The following INPP4B variants were observed in gnomAD, a reference collection of about 807,000 sequenced individuals.
INPP4B encodes the protein inositol polyphosphate-4-phosphatase type II B, also known as inositol polyphosphate 4-phosphatase type II.
INPP4B carries 55 observed loss-of-function variants against 122.5 expected under a neutral mutation model. The ratio of observed to expected loss-of-function variants is 0.45; its 90% confidence interval spans 0.36 to 0.56. The LOEUF is 0.56. Ranked by LOEUF, INPP4B falls within the 20% of genes least tolerant of loss-of-function variation. The probability of loss-of-function intolerance (pLI) is 0.00; values close to 1 mark genes in which losing one functional copy is unlikely to be tolerated. For synonymous variants in INPP4B, 403 were observed against 388.7 expected, an observed-to-expected ratio of 1.04 and a Z score of -0.43; for missense variants, 1,000 against 1,097.7, an observed-to-expected ratio of 0.91 and a Z score of 1.26.
At chr4:142,836,824 T>A (rs1308809764) in intron 1 of INPP4B, among the ~76,000 whole-genome samples, 1 of 151,748 alleles carries the variant, frequency 6.6e-6, no homozygotes, top group East Asian at 1.9e-4. Context: ...ATAACATAAA[T>A]GACAACGGGT....
At chr4:142,609,293 T>C (rs1315599442) in intron 2 of INPP4B, among the ~76,000 whole-genome samples, 1 of 152,054 alleles carries the variant, frequency 6.6e-6, no homozygotes, top group Non-Finnish European at 1.5e-5. Context: ...CAGAGCATGC[T>C]GAGGTTGCCT....
At chr4:142,439,108 C>T (rs1811162367) in intron 3 of INPP4B, among the ~76,000 whole-genome samples, 1 of 152,130 alleles carries the variant, frequency 6.6e-6, no homozygotes, top group Admixed American at 6.5e-5. Context: ...ACTCCAAGGT[C>T]CTCAGGGAAG....
chr4:142,068,414 C>CAG (rs1764913775), intron 25 of INPP4B, among the ~76,000 whole-genome samples: 1 of 152,202 alleles, frequency 6.6e-6, no homozygotes, highest in African/African-American at 2.4e-5. Context: ...TAGGAAGAAA[C>CAG]TGCATCAACT....
At chr4:142,588,880 T>C (rs1736823231) in intron 2 of INPP4B, among the ~76,000 whole-genome samples, 1 of 151,894 alleles carries the variant, frequency 6.6e-6, no homozygotes, top group Admixed American at 6.6e-5. Flanking sequence ...AGAAATAGAA[T>C]AGTCAACGCA....
At position 142,092,481 on chromosome 4, in the gene INPP4B, G is replaced by A. The variant is rs931936460; in HGVS notation, c.2375-6225C>T. 5.9e-5 allele frequency among the ~76,000 whole-genome samples: 9 copies of A among 152,088 alleles called. 1 individual carries two copies. In the South Asian group the frequency reaches 6.2e-4, roughly 11 times the overall value. ...AATTTTTGTATTTTTATAGAAATGC[G>A]GGTTTCGCCATGTTGGCTGGGCTGG... On this transcript the variant is annotated intron_variant, in intron 23 of 25. Coordinates refer to ENST00000262992, the MANE Select transcript of INPP4B (RefSeq NM_001101669.3).
rs185709890 is a variant in INPP4B at position 142,251,773 on chromosome 4, C to T, written c.688+8719G>A. On this transcript the variant is annotated intron_variant, in intron 11 of 25. Coordinates refer to ENST00000262992, the MANE Select transcript of INPP4B (RefSeq NM_001101669.3). Reference sequence around the variant, plus strand: ...AGCCAAAGGGATGCCTCTCCTTCCCCATTCCCTATTGTTGGCTGCCTCTTG... The same window carrying T: ...AGCCAAAGGGATGCCTCTCCTTCCCTATTCCCTATTGTTGGCTGCCTCTTG... Among the ~76,000 whole-genome samples the T allele has an allele frequency of 1.1e-4, 16 of 152,274 alleles. No individual in the cohort carries two copies. In the East Asian group the frequency reaches 2.9e-3, roughly 28 times the overall value.
In INPP4B at chr4:142,028,816, GGTC is replaced by G; in HGVS notation, c.2738_2740del (p.Arg913_Pro914delinsThr). Reference sequence around the variant, plus strand: ...AGCTTTTCCATAAGTCCCCTCTGGAGGTCTGTAGTACTTGGGGAAAGCCATCAG... The same window carrying G: ...AGCTTTTCCATAAGTCCCCTCTGGAGTGTAGTACTTGGGGAAAGCCATCAG... On this transcript the variant is annotated inframe_deletion, in exon 26 of 26. Transcript: ENST00000262992. 1 of 1,613,190 alleles carries G rather than the reference GGTC, an allele frequency of 6.2e-7. No homozygotes were observed. Among genetic ancestry groups the G allele is most frequent in the South Asian group, 1.1e-5 (1 of 90,932 alleles).
intron 2 of INPP4B, among the ~76,000 whole-genome samples, chr4:142,680,163 T>G (rs766631892): frequency 2.4e-4 from 37 of 151,842 alleles, no homozygotes; most frequent in Non-Finnish European, 4.4e-4. Context: ...TCATTATTTT[T>G]AGACTAATTT....
chr4:142,464,587 A>C (rs541178227), intron 2 of INPP4B, among the ~76,000 whole-genome samples: 5 of 150,558 alleles, frequency 3.3e-5, no homozygotes, highest in African/African-American at 1.2e-4. Context: ...CAGTAGACCC[A>C]GAGTTGCTTT....
chr4:142,105,790 T>C (rs1297799978), intron 23 of INPP4B, among the ~76,000 whole-genome samples: 3 of 152,198 alleles, frequency 2.0e-5, no homozygotes, highest in East Asian at 3.8e-4. Flanking sequence ...TCCTTTAACA[T>C]TGACACAAAT....
chr4:142,735,545 GCA>G (rs934167432), intron 1 of INPP4B, among the ~76,000 whole-genome samples: 2 of 152,116 alleles, frequency 1.3e-5, no homozygotes, highest in African/African-American at 4.8e-5. Flanking sequence ...GTAAGCTGAA[GCA>G]CAGTTTGGTT....
At chr4:142,350,783 G>T (rs1421289804) in intron 7 of INPP4B, among the ~76,000 whole-genome samples, 1 of 151,942 alleles carries the variant, frequency 6.6e-6, no homozygotes, top group Non-Finnish European at 1.5e-5. Context: ...ACATTGGAAA[G>T]CATTTTACAT....
intron 11 of INPP4B, among the ~76,000 whole-genome samples, chr4:142,241,499 T>C (rs950482920): frequency 6.6e-6 from 1 of 152,164 alleles, no homozygotes; most frequent in Non-Finnish European, 1.5e-5. Context: ...ATTTCTATAT[T>C]GTTTCTCCCA....
At chr4:142,330,358 G>C (rs1232186057) in intron 7 of INPP4B, among the ~76,000 whole-genome samples, 1 of 152,156 alleles carries the variant, frequency 6.6e-6, no homozygotes, top group Non-Finnish European at 1.5e-5. Context: ...AAAATATCTT[G>C]AAAATCCATC....
chr4:142,589,948 T>C (rs1361869909), intron 2 of INPP4B, among the ~76,000 whole-genome samples: 1 of 152,034 alleles, frequency 6.6e-6, no homozygotes, highest in Non-Finnish European at 1.5e-5. Context: ...ATTCAGCAAT[T>C]AAAAAATAAG....
intron 1 of INPP4B, among the ~76,000 whole-genome samples, chr4:142,786,308 C>T (rs1775754893): frequency 6.6e-6 from 1 of 152,014 alleles, no homozygotes; most frequent in Admixed American, 6.6e-5. Flanking sequence ...ACCAAAGGAG[C>T]AGAGGAGACA....
At chr4:142,478,329 C>T (rs552006867) in intron 2 of INPP4B, among the ~76,000 whole-genome samples, 64 of 152,176 alleles carry the variant, frequency 4.2e-4, no homozygotes, top group Non-Finnish European at 7.6e-4. Context: ...GTGATGAGAG[C>T]GGGAATCTTT....
intron 2 of INPP4B, among the ~76,000 whole-genome samples, chr4:142,489,946 A>T (rs1324756275): frequency 2.0e-5 from 3 of 152,016 alleles, no homozygotes; most frequent in Non-Finnish European, 4.4e-5. Flanking sequence ...CTTTCTAATG[A>T]TTATGTTTGC....
At chr4:142,178,190 T>C (rs1829199544) in intron 15 of INPP4B, among the ~76,000 whole-genome samples, 2 of 152,170 alleles carry the variant, frequency 1.3e-5, no homozygotes, top group Admixed American at 1.3e-4. Flanking sequence ...TTTAATATTG[T>C]CTATGACTCT....
Sources: gnomAD v4.1 joint callset for allele counts (sites outside exome capture counted in the v4.1 genomes callset) on GRCh38, gnomAD v4.1.1 for gene constraint, MANE v1.5 for transcripts, NCBI Gene and HGNC (gene_info 2026-07-23, HGNC 2026-07-21) for gene names.